The following GALNT13 variants were observed in gnomAD, a reference collection of about 807,000 sequenced individuals.
GALNT13 encodes UDP-GalNAc:polypeptide N-acetylgalactosaminyltransferase 13.
Under a neutral mutation model 64.2 loss-of-function variants are expected in GALNT13, and 28 were observed. The ratio of observed to expected loss-of-function variants is 0.44; its 90% CI spans 0.32 to 0.60. The LOEUF is 0.60. GALNT13 is among the 20% of genes least tolerant of loss of function. The probability of loss-of-function intolerance (pLI) is 0.05; values close to 1 mark genes in which losing one functional copy is unlikely to be tolerated. For synonymous variants in GALNT13, 214 were observed against 224.6 expected (o/e 0.95, Z 0.42); for missense variants, 577 against 669.8 (o/e 0.86, Z 1.53).
In GALNT13 at chr2:154,325,929, A is replaced by T. The variant is rs1242420740; in HGVS notation, c.1156+24340A>T. On this transcript the variant is annotated intron_variant, in intron 9 of 12. Transcript: ENST00000392825. ...CCACTTGGGAACTTATTAGACCCAC[A>T]CTCCGAGGGCGGGGCCCAGGAAGCT... is the stretch of plus-strand genomic sequence containing the variant. Among the ~76,000 whole-genome samples, 3 of 151,986 alleles carry T rather than the reference A, an allele frequency of 2.0e-5. No homozygotes were observed. The East Asian group carries it at 5.8e-4, about 29-fold the overall frequency.
At chr2:153,690,550 C>A in the GALNT13 span, among the ~76,000 whole-genome samples, 1 of 152,102 alleles carries the variant, frequency 6.6e-6, no homozygotes, top group African/African-American at 2.4e-5. Context: ...CCTGGTCTAC[C>A]AGAGTGATGG....
chr2:153,244,127 G>A, the GALNT13 span, among the ~76,000 whole-genome samples: 2 of 150,744 alleles, frequency 1.3e-5, no homozygotes, highest in East Asian at 1.9e-4. Flanking sequence ...GGAAGGGAAC[G>A]AGAAGAGACA....
At chr2:153,256,085 C>A in the GALNT13 span, among the ~76,000 whole-genome samples, 227 of 152,212 alleles carry the variant, frequency 1.5e-3, 1 homozygote, top group African/African-American at 5.2e-3. Context: ...TCCATTCTCC[C>A]CATCACTTTC....
chr2:153,707,153 T>TA, the GALNT13 span, among the ~76,000 whole-genome samples: 1 of 152,186 alleles, frequency 6.6e-6, no homozygotes, highest in African/African-American at 2.4e-5. Context: ...CGTGGAACTG[T>TA]AAGTCCAATT....
the GALNT13 span, among the ~76,000 whole-genome samples, chr2:153,584,781 C>T: frequency 6.6e-6 from 1 of 152,116 alleles, no homozygotes; most frequent in African/African-American, 2.4e-5. Flanking sequence ...ACAGCTCCTG[C>T]CAATAGCAGC....
the GALNT13 span, among the ~76,000 whole-genome samples, chr2:153,702,124 T>C: frequency 6.6e-6 from 1 of 152,166 alleles, no homozygotes; most frequent in African/African-American, 2.4e-5. Context: ...ATATGGTACA[T>C]ATACACCATG....
At chr2:154,393,463 A>T (rs533648729) in intron 9 of GALNT13, among the ~76,000 whole-genome samples, 6 of 152,306 alleles carry the variant, frequency 3.9e-5, no homozygotes, top group Admixed American at 2.6e-4. Flanking sequence ...AATGTGGAGG[A>T]GTACATGGAG....
At chr2:154,023,972 A>G (rs2105286976) in intron 3 of GALNT13, among the ~76,000 whole-genome samples, 1 of 152,298 alleles carries the variant, frequency 6.6e-6, no homozygotes, top group Admixed American at 6.5e-5. Context: ...TTGGCTGGAT[A>G]TGAGATTCTG....
chr2:154,134,210 A>G (rs1682818724), intron 3 of GALNT13, among the ~76,000 whole-genome samples: 1 of 152,236 alleles, frequency 6.6e-6, no homozygotes. Flanking sequence ...ATAACATGCA[A>G]AAAATGGAAT....
chr2:154,366,161 C>A (rs1697350129), intron 9 of GALNT13, among the ~76,000 whole-genome samples: 1 of 152,052 alleles, frequency 6.6e-6, no homozygotes. Flanking sequence ...CATATCACAG[C>A]CAGTTATTCT....
intron 4 of GALNT13, among the ~76,000 whole-genome samples, chr2:154,162,907 A>G (rs2105671367): frequency 6.6e-6 from 1 of 151,912 alleles, no homozygotes; most frequent in East Asian, 1.9e-4. Context: ...GAGTTTTCCA[A>G]AGTCACTTAT....
chr2:153,840,269 T>G, the GALNT13 span, among the ~76,000 whole-genome samples: 1 of 152,150 alleles, frequency 6.6e-6, no homozygotes, highest in Non-Finnish European at 1.5e-5. Context: ...TTTGGTGTTA[T>G]GTTCCTATAA....
the GALNT13 span, among the ~76,000 whole-genome samples, chr2:153,097,631 G>A: frequency 8.5e-5 from 13 of 152,150 alleles, no homozygotes; most frequent in African/African-American, 3.1e-4. Flanking sequence ...GTCTGTCAGA[G>A]CCTCTAATTT....
chr2:153,185,907 T>A, the GALNT13 span, among the ~76,000 whole-genome samples: 1 of 152,166 alleles, frequency 6.6e-6, no homozygotes, highest in African/African-American at 2.4e-5. Context: ...GTAAGTGCTG[T>A]GGGGCAATGA....
At chr2:153,611,350 C>G in the GALNT13 span, among the ~76,000 whole-genome samples, 38 of 152,190 alleles carry the variant, frequency 2.5e-4, no homozygotes, top group African/African-American at 3.1e-4. Flanking sequence ...CCCCTGCCCC[C>G]CCGTCCGCCT....
chr2:154,242,228 T>A lies in GALNT13; in HGVS notation c.478+32T>A, dbSNP rs754039408. ...ACTGGTTTTTTGTTTTTGTTTTTGT[T>A]TTTTTGTTTTGTTTTGTTTTGTTTT... On this transcript the variant is annotated intron_variant, in intron 5 of 12. Coordinates refer to ENST00000392825, the MANE Select transcript of GALNT13 (RefSeq NM_052917.4). 18 of 1,594,286 alleles carry A rather than the reference T, an allele frequency of 1.1e-5. No individual in the cohort carries two copies. In the African/African-American group the frequency reaches 2.4e-4, roughly 22 times the overall value.
rs112540494 is a variant in GALNT13, at chr2:153,948,120, C to T, written c.142+3481C>T. On this transcript the variant is annotated intron_variant, in intron 3 of 12. Coordinates refer to ENST00000392825, the MANE Select transcript of GALNT13 (RefSeq NM_052917.4). ...AGTTTGGTGTCAAGTAGAATGATGC[C>T]TCTAGCTTTGTTCTTTTTGCTTAGG... 2.7e-3 allele frequency among the ~76,000 whole-genome samples: 417 copies of T among 152,082 alleles called. 8 individuals are homozygous for T. The East Asian group carries it at 0.056, about 20-fold the overall frequency.
chr2:154,402,948 C>A (rs1426955199), intron 10 of GALNT13, among the ~76,000 whole-genome samples: 1 of 152,004 alleles, frequency 6.6e-6, no homozygotes, highest in African/African-American at 2.4e-5. Context: ...TTCAACTCTC[C>A]CATATGCTAG....
chr2:153,451,276 T>C, the GALNT13 span, among the ~76,000 whole-genome samples: 3 of 152,320 alleles, frequency 2.0e-5, no homozygotes, highest in Non-Finnish European at 4.4e-5. Context: ...CACCCAATAC[T>C]GGAATTAGCT....
Sources: gnomAD v4.1 joint callset for allele counts (sites outside exome capture counted in the v4.1 genomes callset) on GRCh38, gnomAD v4.1.1 for gene constraint, MANE v1.5 for transcripts, NCBI Gene and HGNC (gene_info 2026-07-23, HGNC 2026-07-21) for gene names.